Variants in PHACTR1 observed in about 807,000 individuals in gnomAD.
PHACTR1 encodes RPEL repeat containing 1.
Under a neutral mutation model 69.2 loss-of-function variants are expected in PHACTR1, and 16 were observed. The observed-to-expected ratio is 0.23, with a 90% CI of 0.16 to 0.35. PHACTR1 has a LOEUF of 0.35. Ranked by LOEUF, PHACTR1 falls within the 10% of genes least tolerant of loss-of-function variation. The probability of loss-of-function intolerance (pLI) is 1.00; values close to 1 mark genes in which losing one functional copy is unlikely to be tolerated. For missense variants in PHACTR1, 510 were observed against 734.7 expected (o/e 0.69, Z 3.54); for synonymous variants, 312 against 284.5 (o/e 1.10, Z -0.97).
At chr6:12,817,476 C>T (rs1474252533) in intron 4 of PHACTR1, among the ~76,000 whole-genome samples, 7 of 152,116 alleles carry the variant, frequency 4.6e-5, no homozygotes, top group African/African-American at 1.4e-4. Flanking sequence ...GGACCTTGGA[C>T]GAGTTTATCT....
intron 5 of PHACTR1, among the ~76,000 whole-genome samples, chr6:13,135,647 A>G (rs1283564647): frequency 6.6e-6 from 1 of 152,188 alleles, no homozygotes; most frequent in Non-Finnish European, 1.5e-5. Context: ...AGTAAAGACA[A>G]TATATAGAGA....
intron 5 of PHACTR1, among the ~76,000 whole-genome samples, chr6:13,118,466 G>T (rs1818140980): frequency 7.0e-6 from 1 of 141,922 alleles, no homozygotes; most frequent in Non-Finnish European, 1.5e-5. Context: ...TGCCCAACCA[G>T]GGCCATTTTT....
chr6:12,965,862 C>T (rs1033002237), intron 4 of PHACTR1, among the ~76,000 whole-genome samples: 5 of 152,132 alleles, frequency 3.3e-5, no homozygotes, highest in Admixed American at 2.6e-4. Flanking sequence ...TATTTCCTTC[C>T]CACAGAAAAG....
chr6:13,212,680 C>T (rs544108288), intron 8 of PHACTR1, among the ~76,000 whole-genome samples: 2 of 152,136 alleles, frequency 1.3e-5, no homozygotes, highest in Non-Finnish European at 2.9e-5. Context: ...GCTCCCTCCT[C>T]CCTCACACAG....
At chr6:12,719,160 C>T (rs553244) in intron 3 of PHACTR1, among the ~76,000 whole-genome samples, 22,064 of 152,204 alleles carry the variant, frequency 0.14, 2,236 homozygotes, top group East Asian at 0.52. Flanking sequence ...TGCTCTTCCC[C>T]TTGGAGAATT....
At chr6:13,025,421 T>A (rs1801541963) in intron 4 of PHACTR1, among the ~76,000 whole-genome samples, 1 of 152,148 alleles carries the variant, frequency 6.6e-6, no homozygotes, top group African/African-American at 2.4e-5. Flanking sequence ...TTAGGCCAGA[T>A]GGGCAGGCCT....
chr6:13,064,637 T>G, intron 5 of PHACTR1, among the ~76,000 whole-genome samples: 1 of 111,660 alleles, frequency 9.0e-6, no homozygotes, highest in Non-Finnish European at 1.7e-5. Context: ...CTTGCCAGAC[T>G]ATGGAGGATT....
chr6:13,185,974 G>A (rs1373083603), intron 7 of PHACTR1, among the ~76,000 whole-genome samples: 3 of 152,056 alleles, frequency 2.0e-5, no homozygotes, highest in Non-Finnish European at 2.9e-5. Context: ...TCTCAACTCC[G>A]AGTTCAGCTA....
At chr6:13,196,578 G>C in intron 7 of PHACTR1, 1 of 156,558 alleles carries the variant, frequency 6.4e-6, no homozygotes, top group Non-Finnish European at 1.4e-5. Context: ...ATGCCACTGC[G>C]CCCAGCTAAT....
At chr6:12,771,215 A>G (rs1581676903) in intron 4 of PHACTR1, among the ~76,000 whole-genome samples, 1 of 152,200 alleles carries the variant, frequency 6.6e-6, no homozygotes, top group East Asian at 1.9e-4. Flanking sequence ...GGAATGGAAA[A>G]TTAATTTAGG....
intron 7 of PHACTR1, among the ~76,000 whole-genome samples, chr6:13,194,841 G>A (rs746426532): frequency 9.9e-5 from 15 of 151,874 alleles, no homozygotes; most frequent in Non-Finnish European, 1.8e-4. Context: ...CTGAAACTAA[G>A]TCAGCTGAGG....
At position 13,227,971 on chromosome 6, in the gene PHACTR1, A is replaced by G. The variant is rs1770081557; in HGVS notation, c.1142A>G (p.His381Arg). ...ECDDNKENVP[H>R]ESDYEDSSCL... Reference sequence around the variant, plus strand: ...GATGACAATAAAGAAAATGTGCCTCATGAGTCAGACTACGAAGACTCTTCT... The same window carrying G: ...GATGACAATAAAGAAAATGTGCCTCGTGAGTCAGACTACGAAGACTCTTCT... Residue 381 changes from histidine to arginine, a missense_variant, in exon 9 of 15, where the codon CAT (histidine) becomes CGT (arginine). By Grantham distance (29) the His-to-Arg change is conservative. Transcript: ENST00000332995. 6.2e-7 allele frequency: 1 copy of G among 1,613,926 alleles called. No individual in the cohort carries two copies. Among genetic ancestry groups the G allele is most frequent in the African/African-American group, 1.3e-5 (1 of 74,942 alleles).
chr6:13,131,375 T>A (rs767951474), intron 5 of PHACTR1, among the ~76,000 whole-genome samples: 5 of 152,002 alleles, frequency 3.3e-5, no homozygotes, highest in Non-Finnish European at 7.4e-5. Flanking sequence ...ATGTTCTTAT[T>A]TATAAGTGGG....
At chr6:12,985,116 A>T (rs1795978214) in intron 4 of PHACTR1, among the ~76,000 whole-genome samples, 1 of 152,244 alleles carries the variant, frequency 6.6e-6, no homozygotes, top group African/African-American at 2.4e-5. Flanking sequence ...TATTAATAGA[A>T]TATGAGGTTC....
chr6:13,286,409 G>C (rs181681713), intron 14 of PHACTR1, among the ~76,000 whole-genome samples, 187 bp downstream of exon 14: 21 of 152,262 alleles, frequency 1.4e-4, no homozygotes, highest in African/African-American at 4.1e-4. Context: ...CAGATGGCCC[G>C]GGCTAAAACC....
At chr6:13,284,268 A>G (rs1780973733) in intron 13 of PHACTR1, among the ~76,000 whole-genome samples, 1 of 152,006 alleles carries the variant, frequency 6.6e-6, no homozygotes, top group African/African-American at 2.4e-5. Context: ...CTGTAATCCC[A>G]GCACTTTGGG....
intron 4 of PHACTR1, among the ~76,000 whole-genome samples, chr6:12,906,876 C>T (rs866139078): frequency 2.0e-5 from 3 of 152,170 alleles, no homozygotes; most frequent in Non-Finnish European, 4.4e-5. Flanking sequence ...CTGATTGACA[C>T]TTGGCTCGAC....
At chr6:12,992,831 C>T (rs1254749395) in intron 4 of PHACTR1, among the ~76,000 whole-genome samples, 3 of 152,134 alleles carry the variant, frequency 2.0e-5, no homozygotes, top group African/African-American at 4.8e-5. Flanking sequence ...TATAGACGAG[C>T]TTGAGAAGGC....
At chr6:12,832,406 A>G (rs1022707127) in intron 4 of PHACTR1, among the ~76,000 whole-genome samples, 2 of 152,008 alleles carry the variant, frequency 1.3e-5, no homozygotes, top group Non-Finnish European at 2.9e-5. Flanking sequence ...TTTGTCACAC[A>G]GTAGCATGAA....
Sources: allele counts gnomAD v4.1 joint callset (sites outside exome capture counted in the v4.1 genomes callset), GRCh38; gene constraint gnomAD v4.1.1; transcripts MANE v1.5; gene names NCBI Gene and HGNC (gene_info 2026-07-23, HGNC 2026-07-21).